The following PTPRD variants were observed in gnomAD, a reference collection of about 807,000 sequenced individuals.
PTPRD encodes the protein receptor-type tyrosine-protein phosphatase delta.
In PTPRD, 34 loss-of-function variants were observed where a neutral mutation model predicts 214.5. The observed-to-expected ratio is 0.16, with a 90% CI of 0.12 to 0.21. PTPRD has a LOEUF of 0.21. PTPRD is among the 10% of genes least tolerant of loss of function. PTPRD has a pLI of 1.00. For synonymous variants in PTPRD, 1,128 were observed against 845.7 expected (o/e 1.33, Z -5.79); for missense variants, 2,545 against 2,398.7 (o/e 1.06, Z -1.27).
At chr9:8,363,068 C>A (rs1290722172) in intron 39 of PTPRD, among the ~76,000 whole-genome samples, 1 of 152,128 alleles carries the variant, frequency 6.6e-6, no homozygotes, top group Non-Finnish European at 1.5e-5. Flanking sequence ...GGTTTTTGAG[C>A]ATGTGTAAAA....
intron 8 of PTPRD, among the ~76,000 whole-genome samples, chr9:9,538,375 G>C (rs1312239834): frequency 6.6e-6 from 1 of 151,878 alleles, no homozygotes; most frequent in Non-Finnish European, 1.5e-5. Context: ...CAACCATTAA[G>C]CATAAAAAGT....
At chr9:9,229,341 G>A (rs758848669) in intron 9 of PTPRD, among the ~76,000 whole-genome samples, 4 of 152,048 alleles carry the variant, frequency 2.6e-5, no homozygotes, top group Non-Finnish European at 5.9e-5. Flanking sequence ...GCTACAAGGG[G>A]CCCAGAGAAT....
intron 2 of PTPRD, among the ~76,000 whole-genome samples, chr9:10,492,349 T>C (rs1589372246): frequency 6.6e-6 from 1 of 152,204 alleles, no homozygotes; most frequent in African/African-American, 2.4e-5. Flanking sequence ...AGTGTTCCTA[T>C]TTTTTCACAT....
chr9:8,794,528 T>A (rs989376214), intron 11 of PTPRD, among the ~76,000 whole-genome samples: 81 of 148,492 alleles, frequency 5.5e-4, no homozygotes, highest in African/African-American at 1.9e-3. Context: ...TTTTTTTTTT[T>A]AGACAAAGTC....
At chr9:8,824,808 A>G (rs963056015) in intron 11 of PTPRD, among the ~76,000 whole-genome samples, 5 of 152,206 alleles carry the variant, frequency 3.3e-5, no homozygotes, top group African/African-American at 1.2e-4. Flanking sequence ...GTTTGCTGAA[A>G]TTGCAGAAAT....
chr9:9,646,298 G>C (rs1442720500), intron 7 of PTPRD, among the ~76,000 whole-genome samples: 2 of 150,552 alleles, frequency 1.3e-5, no homozygotes, highest in African/African-American at 2.4e-5. Flanking sequence ...ACCATTTTGG[G>C]AGGGGTGTGT....
intron 3 of PTPRD, among the ~76,000 whole-genome samples, chr9:10,136,138 C>A (rs908642327): frequency 6.6e-6 from 1 of 151,698 alleles, no homozygotes; most frequent in Non-Finnish European, 1.5e-5. Flanking sequence ...AAGGACAGAG[C>A]AAGACATTAC....
intron 2 of PTPRD, among the ~76,000 whole-genome samples, chr9:10,608,113 A>C (rs2079970011): frequency 6.6e-6 from 1 of 152,002 alleles, no homozygotes; most frequent in Admixed American, 6.6e-5. Context: ...CTTACAGTCT[A>C]CATGTATGTA....
At chr9:9,091,360 C>T (rs2154431842) in intron 10 of PTPRD, 4 of 709,258 alleles carry the variant, frequency 5.6e-6, no homozygotes, top group Non-Finnish European at 2.5e-6. Context: ...TGGAACTGTA[C>T]ATTTCTGTAA....
At chr9:8,628,243 CT>C (rs905385366) in intron 14 of PTPRD, among the ~76,000 whole-genome samples, 31 of 151,956 alleles carry the variant, frequency 2.0e-4, no homozygotes, top group Non-Finnish European at 4.4e-5. Flanking sequence ...TAAAATGAGA[CT>C]GTAATCAACA....
At chr9:9,096,654 T>A (rs2099783965) in intron 10 of PTPRD, among the ~76,000 whole-genome samples, 1 of 152,236 alleles carries the variant, frequency 6.6e-6, no homozygotes, top group Admixed American at 6.5e-5. Context: ...AATACTCATA[T>A]ATCCTTTACC....
chr9:8,521,270 A>C lies in PTPRD; in HGVS notation c.961+7T>G, dbSNP rs1183481616. On this transcript the variant is annotated splice_region_variant and intron_variant, in intron 20 of 45. Coordinates refer to ENST00000381196, the MANE Select transcript of PTPRD (RefSeq NM_002839.4). ...CAGATCCTCAAAGCATAATCCATTG[A>C]GCATACCTTTGACAGTGATCTGTGC... The C allele has an allele frequency of 5.6e-6, 9 of 1,607,882 alleles. No individual in the cohort carries two copies. Among genetic ancestry groups the C allele is most frequent in the Non-Finnish European group, 7.6e-6 (9 of 1,176,616 alleles).
chr9:9,559,367 C>CT (rs1000418917), intron 8 of PTPRD, among the ~76,000 whole-genome samples: 4 of 152,226 alleles, frequency 2.6e-5, no homozygotes, highest in Non-Finnish European at 5.9e-5. Flanking sequence ...AACACTGGCA[C>CT]TTAGCTCCCT....
At chr9:9,720,618 C>T (rs2097918660) in intron 7 of PTPRD, among the ~76,000 whole-genome samples, 1 of 152,110 alleles carries the variant, frequency 6.6e-6, no homozygotes, top group East Asian at 1.9e-4. Context: ...GTGACTACTA[C>T]TGAGAAAATC....
intron 10 of PTPRD, among the ~76,000 whole-genome samples, chr9:9,080,973 GT>G (rs1375808263): frequency 2.0e-5 from 3 of 151,822 alleles, no homozygotes; most frequent in African/African-American, 7.3e-5. Context: ...TTTTTAAAGG[GT>G]TTTTCATGTC....
intron 14 of PTPRD, among the ~76,000 whole-genome samples, chr9:8,557,531 T>C (rs1477767346): frequency 6.8e-6 from 1 of 148,126 alleles, no homozygotes; most frequent in Non-Finnish European, 1.5e-5. Flanking sequence ...TCACCTGAGG[T>C]CAGGAGTTCG....
At chr9:9,230,693 C>G (rs1239626570) in intron 9 of PTPRD, among the ~76,000 whole-genome samples, 1 of 152,108 alleles carries the variant, frequency 6.6e-6, no homozygotes, top group Non-Finnish European at 1.5e-5. Context: ...TACGGAAAAA[C>G]TCCACACAGT....
chr9:8,701,034 G>C (rs2098069358), intron 12 of PTPRD: 1 of 152,024 alleles, frequency 6.6e-6, no homozygotes, highest in Admixed American at 6.6e-5. Context: ...GGTGATGCGT[G>C]CCTGTAATCC....
At chr9:8,801,135 A>T (rs1041614961) in intron 11 of PTPRD, among the ~76,000 whole-genome samples, 1 of 152,234 alleles carries the variant, frequency 6.6e-6, no homozygotes, top group East Asian at 1.9e-4. Context: ...GAGTCACAAG[A>T]TCATGATGAT....
Sources: gnomAD v4.1 joint callset for allele counts (sites outside exome capture counted in the v4.1 genomes callset) on GRCh38, gnomAD v4.1.1 for gene constraint, MANE v1.5 for transcripts, NCBI Gene and HGNC (gene_info 2026-07-23, HGNC 2026-07-21) for gene names.